The following PCLO variants were observed in gnomAD, a reference collection of about 807,000 sequenced individuals.
PCLO encodes piccolo presynaptic cytomatrix protein, also known as protein piccolo.
A neutral mutation model predicts 427.5 loss-of-function variants in PCLO; 82 were observed. The observed-to-expected ratio is 0.19, with a 90% CI of 0.16 to 0.23. The LOEUF (loss-of-function observed/expected upper bound fraction) is 0.23. Among genes scored for constraint, PCLO ranks in the 10% least tolerant of loss-of-function variants. The pLI is 1.00. For synonymous variants in PCLO, 2,357 were observed against 2,155.4 expected (o/e 1.09, Z -2.59); for missense variants, 6,239 against 6,115.9 (o/e 1.02, Z -0.67).
At chr7:82,944,256 T>G (rs1584192349) in intron 6 of PCLO, among the ~76,000 whole-genome samples, 3 of 150,360 alleles carry the variant, frequency 2.0e-5, no homozygotes, top group Admixed American at 2.0e-4. Context: ...CATGTGGGAG[T>G]GAGGGATTTA....
chr7:83,068,361 T>C (rs527649448), intron 3 of PCLO, among the ~76,000 whole-genome samples: 10 of 152,188 alleles, frequency 6.6e-5, no homozygotes, highest in Admixed American at 3.9e-4. Context: ...ACATATTTTA[T>C]AAGGGATTAA....
chr7:83,039,712 C>T (rs1233689153), intron 3 of PCLO, among the ~76,000 whole-genome samples: 3 of 151,992 alleles, frequency 2.0e-5, no homozygotes, highest in African/African-American at 7.2e-5. Flanking sequence ...TTTAAGATTG[C>T]CTTGTGCATT....
At chr7:82,764,496 A>C (rs1562775182) in intron 22 of PCLO, among the ~76,000 whole-genome samples, 1 of 151,934 alleles carries the variant, frequency 6.6e-6, no homozygotes, top group Non-Finnish European at 1.5e-5. Flanking sequence ...TATTTTAAAA[A>C]TTGTTTCAGA....
chr7:82,919,142 T>C (rs949798961), intron 6 of PCLO, among the ~76,000 whole-genome samples: 2 of 152,128 alleles, frequency 1.3e-5, no homozygotes, highest in African/African-American at 2.4e-5. Context: ...TATGCTCTTA[T>C]GTATTGATGG....
chr7:83,094,700 T>C (rs949592712), intron 3 of PCLO, among the ~76,000 whole-genome samples: 4 of 152,176 alleles, frequency 2.6e-5, no homozygotes, highest in Non-Finnish European at 4.4e-5. Flanking sequence ...TATAAATGTT[T>C]GTGGACAAGT....
intron 3 of PCLO, among the ~76,000 whole-genome samples, chr7:83,025,932 A>C (rs372537977): frequency 1.1e-4 from 17 of 152,012 alleles, no homozygotes; most frequent in South Asian, 6.2e-4. Flanking sequence ...CCAGGCCTGC[A>C]CTAAAAGAGC....
rs547987817 is a variant in PCLO at position 82,995,632 on chromosome 7, G to A, written c.3301-29145C>T. Among the ~76,000 whole-genome samples, 4 of 152,044 alleles carry A rather than the reference G, an allele frequency of 2.6e-5. No homozygotes were observed. The South Asian group carries it at 8.3e-4, about 32-fold the overall frequency. On this transcript the variant is annotated intron_variant, in intron 3 of 24. Transcript: ENST00000333891. ...GCAATATATTTGTGACACTTTTCAAGGTCACAAAATCTGAAAGCAGATGGT... is the reference window on the plus strand; with the variant it reads ...GCAATATATTTGTGACACTTTTCAAAGTCACAAAATCTGAAAGCAGATGGT...
intron 3 of PCLO, among the ~76,000 whole-genome samples, chr7:83,020,401 A>AC (rs1562922801): frequency 6.6e-6 from 1 of 151,708 alleles, no homozygotes; most frequent in South Asian, 2.1e-4. Context: ...TAGTAGTAAG[A>AC]GGGGGGGCCT....
At position 83,030,059 on chromosome 7, in the gene PCLO, T is replaced by C. The variant is rs1337825444; in HGVS notation, c.3301-63572A>G. On this transcript the variant is annotated intron_variant, in intron 3 of 24. Transcript: ENST00000333891. ...CGCACCAGCATGGCACATGTATACA[T>C]ATGTAACTAATCCGCACAATGTGCA... 1.0e-4 allele frequency among the ~76,000 whole-genome samples: 15 copies of C among 144,554 alleles called. 1 individual carries two copies. The South Asian group carries it at 3.1e-3, about 30-fold the overall frequency. 94.8% of individuals were successfully genotyped at this position (144,554 alleles called of 152,430 possible).
intron 3 of PCLO, among the ~76,000 whole-genome samples, chr7:83,056,533 G>C (rs1789383422): frequency 6.6e-6 from 1 of 152,178 alleles, no homozygotes; most frequent in African/African-American, 2.4e-5. Context: ...TCAGTCATGA[G>C]TGGTCAGAAC....
chr7:83,068,655 C>T (rs899996110), intron 3 of PCLO, among the ~76,000 whole-genome samples: 2 of 152,108 alleles, frequency 1.3e-5, no homozygotes, highest in African/African-American at 4.8e-5. Flanking sequence ...ATAAAGAAAA[C>T]AGAGCCCTTG....
Position 83,160,952 on chromosome 7 carries a change from TAGAGGA to T in PCLO, c.248+1387_248+1392del, listed in dbSNP as rs1254385173. ...TTTTTCTTGTCAAGTTTTCATCAAGTAGAGGAAAACAGTACATATCATAAACTGGAT... is the reference window on the plus strand; with the variant it reads ...TTTTTCTTGTCAAGTTTTCATCAAGTAAACAGTACATATCATAAACTGGAT... On this transcript the variant is annotated intron_variant, in intron 1 of 24. Transcript: ENST00000333891. 6.6e-5 allele frequency among the ~76,000 whole-genome samples: 10 copies of T among 152,248 alleles called. 1 individual carries two copies. The highest frequency in any genetic ancestry group is 4.6e-4 in the Admixed American group (7 of 15,298).
chr7:82,814,980 A>G (rs1452944886), intron 20 of PCLO, among the ~76,000 whole-genome samples: 1 of 151,990 alleles, frequency 6.6e-6, no homozygotes. Context: ...ATATGTCAAG[A>G]TCATTTTATC....
At chr7:82,889,391 A>C (rs950707616) in intron 9 of PCLO, among the ~76,000 whole-genome samples, 1 of 152,182 alleles carries the variant, frequency 6.6e-6, no homozygotes, top group Non-Finnish European at 1.5e-5. Context: ...CTGATAATTA[A>C]TCAAAGAAAT....
intron 20 of PCLO, chr7:82,821,254 C>G (rs1791784382): frequency 2.5e-5 from 25 of 987,210 alleles, no homozygotes; most frequent in Non-Finnish European, 2.9e-5. Flanking sequence ...TGTGTCTGTG[C>G]TGCTTCCTGG....
intron 9 of PCLO, among the ~76,000 whole-genome samples, chr7:82,901,131 CAT>C (rs1794028162): frequency 6.6e-6 from 1 of 151,792 alleles, no homozygotes. Flanking sequence ...TGCATTAAAA[CAT>C]ATGATTAATG....
intron 9 of PCLO, among the ~76,000 whole-genome samples, chr7:82,885,949 C>T (rs1793618127): frequency 6.6e-6 from 1 of 152,074 alleles, no homozygotes; most frequent in South Asian, 2.1e-4. Flanking sequence ...TGGTTTATGC[C>T]AGTTCACTGG....
chr7:82,994,065 A>G (rs1796439517), intron 3 of PCLO, among the ~76,000 whole-genome samples: 1 of 152,078 alleles, frequency 6.6e-6, no homozygotes, highest in Non-Finnish European at 1.5e-5. Flanking sequence ...ATATCGAAAT[A>G]AATGTTGACA....
chr7:82,867,136 A>G (rs1793116090), intron 10 of PCLO, among the ~76,000 whole-genome samples: 1 of 152,218 alleles, frequency 6.6e-6, no homozygotes, highest in Non-Finnish European at 1.5e-5. Context: ...GCAGCGGCTC[A>G]GGCCTTTAAT....
Sources: allele counts gnomAD v4.1 joint callset (sites outside exome capture counted in the v4.1 genomes callset), GRCh38; gene constraint gnomAD v4.1.1; transcripts MANE v1.5; gene names NCBI Gene and HGNC (gene_info 2026-07-23, HGNC 2026-07-21).